The following OTUD7A variants were observed in gnomAD, a reference collection of about 807,000 sequenced individuals.
OTUD7A encodes the protein OTU deubiquitinase 7A.
A neutral mutation model predicts 65.7 loss-of-function variants in OTUD7A; 12 were observed. The ratio of observed to expected loss-of-function variants is 0.18; its 90% CI spans 0.12 to 0.30. The LOEUF (loss-of-function observed/expected upper bound fraction) is 0.30. Among genes scored for constraint, OTUD7A ranks in the 10% least tolerant of loss-of-function variants. OTUD7A has a pLI of 1.00. For missense variants in OTUD7A, 1,148 were observed against 1,304.8 expected, an observed-to-expected ratio of 0.88 and a Z score of 1.85; for synonymous variants, 641 against 586.3, an observed-to-expected ratio of 1.09 and a Z score of -1.35.
chr15:31,572,496 A>C (rs905136406), intron 3 of OTUD7A, among the ~76,000 whole-genome samples: 1 of 152,234 alleles, frequency 6.6e-6, no homozygotes. Context: ...CCTCTAGTAC[A>C]GTTTACTGCT....
intron 12 of OTUD7A, among the ~76,000 whole-genome samples, chr15:31,486,299 C>T (rs1358749353): frequency 1.3e-5 from 2 of 152,186 alleles, no homozygotes; most frequent in African/African-American, 4.8e-5. Context: ...CTGGCTGTCA[C>T]TTATGCCATC....
At chr15:31,566,900 C>T (rs551715212) in intron 4 of OTUD7A, among the ~76,000 whole-genome samples, 4 of 152,282 alleles carry the variant, frequency 2.6e-5, no homozygotes, top group African/African-American at 4.8e-5. Flanking sequence ...GAGCAGATGC[C>T]GGCACCATGC....
At chr15:31,673,872 C>G (rs3874386) in intron 1 of OTUD7A, among the ~76,000 whole-genome samples, 1 of 152,160 alleles carries the variant, frequency 6.6e-6, no homozygotes, top group African/African-American at 2.4e-5. Context: ...TCCTTCTTCT[C>G]TCTGTGAAGG....
At chr15:31,600,321 C>T (rs1362369964) in intron 3 of OTUD7A, among the ~76,000 whole-genome samples, 3 of 151,394 alleles carry the variant, frequency 2.0e-5, no homozygotes, top group Non-Finnish European at 3.0e-5. Context: ...TGCAGAAACC[C>T]TACTCAACAC....
At chr15:31,809,251 G>A (rs1033948958) in intron 1 of OTUD7A, among the ~76,000 whole-genome samples, 3 of 152,148 alleles carry the variant, frequency 2.0e-5, no homozygotes, top group Non-Finnish European at 2.9e-5. Context: ...CACCACTGGC[G>A]ATTCTGAATT....
chr15:31,809,687 G>T (rs776646380), intron 1 of OTUD7A, among the ~76,000 whole-genome samples: 1 of 152,178 alleles, frequency 6.6e-6, no homozygotes, highest in Non-Finnish European at 1.5e-5. Context: ...AGAATTAGAG[G>T]TCAGCCTAGA....
At chr15:31,758,193 TAGAAATGGATAGTATCATTTAGATAA>T (rs1894866558) in intron 1 of OTUD7A, among the ~76,000 whole-genome samples, 2 of 152,254 alleles carry the variant, frequency 1.3e-5, no homozygotes, top group South Asian at 4.1e-4. Context: ...TATAAAACTG[TAGAAATGGATAGTATCATTTAGATAA>T]AGGGAAATAC....
intron 9 of OTUD7A, 99 bp from the exon 10 acceptor site, chr15:31,501,938 C>T (rs1429591810): frequency 2.2e-5 from 29 of 1,332,482 alleles, no homozygotes; most frequent in East Asian, 1.2e-4. Context: ...GGGGGGACTC[C>T]GTGGAGAAGC....
intron 1 of OTUD7A, among the ~76,000 whole-genome samples, chr15:31,815,435 T>A (rs1465146868): frequency 2.0e-5 from 3 of 152,210 alleles, no homozygotes; most frequent in Non-Finnish European, 4.4e-5. Flanking sequence ...GTGGCTGGGG[T>A]GATGTACAAT....
intron 3 of OTUD7A, among the ~76,000 whole-genome samples, chr15:31,638,134 C>T (rs12324540): frequency 0.29 from 43,452 of 151,598 alleles, 7,341 homozygotes; most frequent in African/African-American, 0.47. Flanking sequence ...TCAAACTTCA[C>T]GATTGTCTTA....
chr15:31,794,712 C>T (rs902206434), intron 1 of OTUD7A, among the ~76,000 whole-genome samples: 7 of 152,122 alleles, frequency 4.6e-5, no homozygotes, highest in African/African-American at 1.4e-4. Flanking sequence ...CCACCTCGCC[C>T]CCCAGCCCAC....
chr15:31,492,500 C>T (rs939009378), intron 10 of OTUD7A, among the ~76,000 whole-genome samples: 3 of 151,538 alleles, frequency 2.0e-5, no homozygotes, highest in African/African-American at 7.3e-5. Context: ...ATCGCTTGAA[C>T]CCAGGAGGCG....
At chr15:31,493,149 G>A (rs1367757371) in intron 10 of OTUD7A, among the ~76,000 whole-genome samples, 10 of 136,088 alleles carry the variant, frequency 7.3e-5, no homozygotes, top group African/African-American at 1.8e-4. Context: ...GAGGTTGTAG[G>A]AAAAAAAAAA....
At chr15:31,521,673 G>C (rs951614859) in intron 8 of OTUD7A, among the ~76,000 whole-genome samples, 1 of 152,110 alleles carries the variant, frequency 6.6e-6, no homozygotes, top group African/African-American at 2.4e-5. Context: ...GAAATCACTT[G>C]GGATTCTAGC....
chr15:31,660,130 C>G (rs1398557280), intron 1 of OTUD7A, among the ~76,000 whole-genome samples: 1 of 152,272 alleles, frequency 6.6e-6, no homozygotes. Context: ...CCTTGACTAC[C>G]CATACATTTA....
chr15:31,703,416 A>C (rs1426073015), intron 1 of OTUD7A, among the ~76,000 whole-genome samples: 1 of 152,110 alleles, frequency 6.6e-6, no homozygotes, highest in South Asian at 2.1e-4. Context: ...TGGCAAAAAA[A>C]CCACAAAGAG....
intron 4 of OTUD7A, among the ~76,000 whole-genome samples, chr15:31,564,768 T>C (rs1888811814): frequency 6.6e-6 from 1 of 152,086 alleles, no homozygotes; most frequent in Admixed American, 6.6e-5. Flanking sequence ...AAATGAAACC[T>C]AATAATAAAT....
chr15:31,769,158 T>C (rs1164012668), intron 1 of OTUD7A, among the ~76,000 whole-genome samples: 1 of 152,170 alleles, frequency 6.6e-6, no homozygotes, highest in African/African-American at 2.4e-5. Context: ...CAAAAGTAAA[T>C]GATGGCCAAA....
At chr15:31,767,955 C>T in intron 1 of OTUD7A, 2 of 1,558,258 alleles carry the variant, frequency 1.3e-6, no homozygotes, top group Non-Finnish European at 1.8e-6. Context: ...TTGATATCTT[C>T]AATTATACGA....
Sources: gnomAD v4.1 joint callset for allele counts (sites outside exome capture counted in the v4.1 genomes callset) on GRCh38, gnomAD v4.1.1 for gene constraint, MANE v1.5 for transcripts, NCBI Gene and HGNC (gene_info 2026-07-23, HGNC 2026-07-21) for gene names.